Variants in EPAS1 observed in about 807,000 individuals in gnomAD.
The protein encoded by EPAS1 is endothelial PAS domain protein 1.
EPAS1 carries 23 observed loss-of-function variants against 87.9 expected under a neutral mutation model. That is an observed-to-expected ratio of 0.26 (90% confidence interval 0.19 to 0.37). EPAS1 has a LOEUF of 0.37. Among genes scored for constraint, EPAS1 ranks in the 10% least tolerant of loss-of-function variants. EPAS1 has a pLI of 1.00. For synonymous variants in EPAS1, 508 were observed against 444.3 expected (o/e 1.14, Z -1.80); for missense variants, 1,138 against 1,120.7 (o/e 1.02, Z -0.22).
chr2:46,356,349 G>T (rs768807224), intron 3 of EPAS1, 47 bp downstream of exon 3: 2 of 1,612,522 alleles, frequency 1.2e-6, no homozygotes, highest in East Asian at 4.5e-5. Context: ...GTTTCCATTT[G>T]GGGGTAGAAA....
chr2:46,354,912 G>C (rs1479048162), intron 2 of EPAS1, among the ~76,000 whole-genome samples: 1 of 152,122 alleles, frequency 6.6e-6, no homozygotes, highest in African/African-American at 2.4e-5. Context: ...GTGTTTTCCA[G>C]TGTTCACACA....
At chr2:46,363,990 T>TA (rs1684454261) in intron 6 of EPAS1, among the ~76,000 whole-genome samples, 2 of 152,260 alleles carry the variant, frequency 1.3e-5, no homozygotes, top group African/African-American at 4.8e-5. Flanking sequence ...CCCTAAGTGT[T>TA]ATATCTTAAT....
rs1281870402 is a variant in EPAS1 at position 46,371,475 on chromosome 2, GCA to G, written c.886+1549_886+1550del. On this transcript the variant is annotated intron_variant, in intron 7 of 15. Coordinates refer to ENST00000263734, the MANE Select transcript of EPAS1 (RefSeq NM_001430.5). The surrounding 1 kb of genome is among the most constrained non-coding windows in gnomAD (Gnocchi z 4.3). Reference sequence around the variant, plus strand: ...GTGCTCTCTGGCAAAACACACACGCGCACACACAGACACACACACACAAACAA... The same window carrying G: ...GTGCTCTCTGGCAAAACACACACGCGCACACAGACACACACACACAAACAA... 6.6e-6 allele frequency among the ~76,000 whole-genome samples: 1 copy of G among 152,006 alleles called. No individual in the cohort carries two copies. Among genetic ancestry groups the G allele is most frequent in the Non-Finnish European group, 1.5e-5 (1 of 67,992 alleles).
At chr2:46,358,742 C>G (rs763844563) in intron 4 of EPAS1, among the ~76,000 whole-genome samples, 14 of 152,202 alleles carry the variant, frequency 9.2e-5, no homozygotes, top group Non-Finnish European at 1.8e-4. Context: ...CAGTCAAACT[C>G]AATGCAACAG....
At chr2:46,352,689 A>G (rs565688795) in intron 2 of EPAS1, among the ~76,000 whole-genome samples, 31 of 152,196 alleles carry the variant, frequency 2.0e-4, no homozygotes, top group Non-Finnish European at 3.8e-4. Flanking sequence ...GAGAACAAGC[A>G]GGTGCTGTGA....
intron 2 of EPAS1, 89 bp from the exon 3 acceptor site, chr2:46,356,062 C>A: frequency 1.4e-6 from 2 of 1,432,690 alleles, no homozygotes; most frequent in South Asian, 1.1e-5. Context: ...AATGCCTTTG[C>A]ACCATCCCTG....
chr2:46,308,745 T>C lies in EPAS1; in HGVS notation c.26+10808T>C, dbSNP rs188593905. On this transcript the variant is annotated intron_variant, in intron 1 of 15. Coordinates refer to ENST00000263734, the MANE Select transcript of EPAS1 (RefSeq NM_001430.5). Reference sequence around the variant, plus strand: ...ACTTCAAGAATGCCTTATACACTAATGTGAGTACAGCCAAACAGAATACTC... The same window carrying C: ...ACTTCAAGAATGCCTTATACACTAACGTGAGTACAGCCAAACAGAATACTC... 1.8e-4 allele frequency among the ~76,000 whole-genome samples: 28 copies of C among 152,342 alleles called. No homozygotes were observed. In the East Asian group the frequency reaches 5.0e-3, roughly 27 times the overall value.
At chr2:46,367,570 C>G (rs1684529541) in intron 6 of EPAS1, among the ~76,000 whole-genome samples, 1 of 152,240 alleles carries the variant, frequency 6.6e-6, no homozygotes, top group Non-Finnish European at 1.5e-5. Context: ...GGGCGCCAGC[C>G]CCAGGGTCAG....
chr2:46,343,817 G>C (rs6544886), intron 1 of EPAS1, among the ~76,000 whole-genome samples: 3,312 of 152,334 alleles, frequency 0.022, 133 homozygotes, highest in African/African-American at 0.076. Flanking sequence ...GAAGAGCAGG[G>C]TTCTAGCCCT....
chr2:46,382,385 A>G, intron 14 of EPAS1, 40 bp from the exon 15 acceptor site: 1 of 1,613,248 alleles, frequency 6.2e-7, no homozygotes, highest in South Asian at 1.1e-5. Context: ...CCCCTCCCTC[A>G]GGCCAATGCT....
intron 1 of EPAS1, among the ~76,000 whole-genome samples, chr2:46,320,082 T>G (rs1683423843): frequency 6.6e-6 from 1 of 152,214 alleles, no homozygotes; most frequent in South Asian, 2.1e-4. Context: ...CTCCTTCAAT[T>G]TATTCACCCT....
At chr2:46,363,702 C>T (rs532505365) in intron 6 of EPAS1, among the ~76,000 whole-genome samples, 11 of 152,282 alleles carry the variant, frequency 7.2e-5, no homozygotes, top group African/African-American at 2.6e-4. Flanking sequence ...TATCAAGCCT[C>T]GTGATTTAGG....
Position 46,356,162 on chromosome 2 carries a change from A to C in EPAS1, c.229A>C (p.Asn77His), listed in dbSNP as rs1445920123. The change falls in exon 3 of 16, where the codon AAC becomes CAC. Residue 77 changes from asparagine (N) to histidine (H), a missense_variant. Asn to His is a moderately conservative substitution (Grantham distance 68). This residue lies in a region of EPAS1 where 351 missense variants were observed against 417.1 expected (regional missense o/e 0.84). Coordinates refer to ENST00000263734, the MANE Select transcript of EPAS1 (RefSeq NM_001430.5). ...CCCCCCCTTTCCAGTTTGCTCTGAA[A>C]ACGAGTCCGAAGCCGAAGCTGACCA... ...HKLLSSVCSE[N>H]ESEAEADQQM... is the part of the protein sequence containing the mutation. The C allele has an allele frequency of 6.7e-7, 1 of 1,501,116 alleles. No homozygotes were observed. The highest frequency in any genetic ancestry group is 1.4e-5 in the African/African-American group (1 of 72,100). 93.0% of individuals were successfully genotyped at this position (1,501,116 alleles called of 1,614,324 possible). A position where few individuals can be genotyped will look rare whatever the true frequency, so the allele number is the denominator to read the frequency against.
At chr2:46,323,173 G>C (rs1207489841) in intron 1 of EPAS1, among the ~76,000 whole-genome samples, 1 of 152,194 alleles carries the variant, frequency 6.6e-6, no homozygotes, top group African/African-American at 2.4e-5. Context: ...CCCTTGAAAA[G>C]TGTAAAAATC....
At chr2:46,367,356 G>C (rs1030886607) in intron 6 of EPAS1, among the ~76,000 whole-genome samples, 2 of 152,222 alleles carry the variant, frequency 1.3e-5, no homozygotes, top group African/African-American at 2.4e-5. Flanking sequence ...TTCTAGACCT[G>C]CCCAGGAACA....
At chr2:46,298,123 A>C (rs929038835) in intron 1 of EPAS1, among the ~76,000 whole-genome samples, 186 bp downstream of exon 1, 21 of 152,088 alleles carry the variant, frequency 1.4e-4, no homozygotes, top group African/African-American at 4.6e-4. Context: ...GCAGCTTTGC[A>C]GTGGAGACTT....
At chr2:46,344,104 C>T (rs7567859) in intron 1 of EPAS1, among the ~76,000 whole-genome samples, 6,509 of 152,284 alleles carry the variant, frequency 0.043, 455 homozygotes, top group African/African-American at 0.15. Flanking sequence ...CATCTCTAAA[C>T]TGTGTAAACA....
At chr2:46,372,704 C>T (rs906475534) in intron 7 of EPAS1, among the ~76,000 whole-genome samples, 2 of 152,196 alleles carry the variant, frequency 1.3e-5, no homozygotes, top group African/African-American at 4.8e-5. Context: ...GATTAGAAAG[C>T]TGGCGTTAAT....
At chr2:46,377,200 A>G (rs555381195) in intron 9 of EPAS1, among the ~76,000 whole-genome samples, 1 of 152,318 alleles carries the variant, frequency 6.6e-6, no homozygotes, top group East Asian at 1.9e-4. Flanking sequence ...ATCATTCCAA[A>G]AACACAGAGA....
Sources: allele counts gnomAD v4.1 joint callset (sites outside exome capture counted in the v4.1 genomes callset), GRCh38; gene constraint gnomAD v4.1.1; regional missense constraint gnomAD v4.1.1; non-coding constraint Gnocchi (gnomAD v3.1); transcripts MANE v1.5; gene names NCBI Gene and HGNC (gene_info 2026-07-23, HGNC 2026-07-21).